NR6A1: variants seen among roughly 807,000 people sequenced by gnomAD.
NR6A1 encodes the protein nuclear receptor subfamily 6 group A member 1.
In NR6A1, 7 loss-of-function variants were observed where a neutral mutation model predicts 59.1. The ratio of observed to expected loss-of-function variants is 0.12; its 90% CI spans 0.07 to 0.22. The LOEUF is 0.22. Among genes scored for constraint, NR6A1 ranks in the 10% least tolerant of loss-of-function variants. The pLI, the probability that NR6A1 is intolerant of heterozygous loss-of-function variation, is 1.00. For missense variants in NR6A1, 468 were observed against 611.6 expected (o/e 0.77, Z 2.48); for synonymous variants, 243 against 236.1 (o/e 1.03, Z -0.27).
chr9:124,645,557 T>C (rs1836906633), intron 2 of NR6A1, among the ~76,000 whole-genome samples: 1 of 152,184 alleles, frequency 6.6e-6, no homozygotes, highest in Non-Finnish European at 1.5e-5. Context: ...AGAGGGGCAT[T>C]ACTAATGATA....
rs1367010752 is a variant in NR6A1 at position 124,641,237 on chromosome 9, T to C, written c.143-86667A>G. On this transcript the variant is annotated intron_variant, in intron 2 of 9. Coordinates refer to ENST00000487099, the MANE Select transcript of NR6A1 (RefSeq NM_033334.4). The stretch of plus-strand genomic sequence containing the variant: ...AGCTGAGCATGGTGGTGCATGCCTG[T>C]AATCCCAGCTACTTGGGAGGATGAG... Among the ~76,000 whole-genome samples the C allele has an allele frequency of 2.6e-5, 4 of 151,762 alleles. No homozygotes were observed. The East Asian group carries it at 7.8e-4, about 30-fold the overall frequency.
chr9:124,678,500 A>C (rs1327085188), intron 2 of NR6A1, among the ~76,000 whole-genome samples: 1 of 152,196 alleles, frequency 6.6e-6, no homozygotes, highest in Non-Finnish European at 1.5e-5. Context: ...CAGAAGATGT[A>C]AGTGTAATAA....
rs528751905 is a variant in NR6A1, at chr9:124,771,223, G to C, written c.-104C>G. The C allele has an allele frequency of 8.6e-4, 510 of 593,044 alleles. 4 individuals are homozygous for C. Among genetic ancestry groups the C allele is most frequent in the South Asian group, 8.1e-3 (95 of 11,744 alleles). The allele number at this position is 593,044 out of a possible 1,614,324, so 36.7% of individuals were successfully genotyped here. On this transcript the variant is annotated 5_prime_UTR_variant, in exon 1 of 10. Coordinates refer to ENST00000487099, the MANE Select transcript of NR6A1 (RefSeq NM_033334.4). ...GAGGGGAGGAGGTTGTCAGGAGCCC[G>C]CGAGCTCCCGGCCGCGGCTCTCTCT...
chr9:124,755,196 A>T (rs1367714214), intron 1 of NR6A1, among the ~76,000 whole-genome samples: 1 of 150,230 alleles, frequency 6.7e-6, no homozygotes, highest in East Asian at 2.0e-4. Flanking sequence ...CAGGCAAAAG[A>T]GTATTTCAGA....
intron 2 of NR6A1, among the ~76,000 whole-genome samples, chr9:124,671,597 C>A (rs921738501): frequency 3.9e-5 from 6 of 152,114 alleles, no homozygotes; most frequent in African/African-American, 7.2e-5. Context: ...CAACCCTACT[C>A]CTGGCCTAAA....
At chr9:124,643,600 CAAAA>C (rs758727432) in intron 2 of NR6A1, among the ~76,000 whole-genome samples, 3 of 93,358 alleles carry the variant, frequency 3.2e-5, no homozygotes, top group Admixed American at 2.3e-4. Context: ...GACCCAATCT[CAAAA>C]AAAAAAAAAA....
chr9:124,583,454 C>T (rs994588699), intron 2 of NR6A1, among the ~76,000 whole-genome samples: 16 of 152,166 alleles, frequency 1.1e-4, no homozygotes, highest in African/African-American at 3.4e-4. Context: ...AGCATCTAGG[C>T]CTCTAGTTCT....
chr9:124,687,291 A>ATTAATTAATTAATTATTTATTTATTTAT (rs59770058), intron 2 of NR6A1, among the ~76,000 whole-genome samples: 3 of 142,090 alleles, frequency 2.1e-5, no homozygotes, highest in African/African-American at 8.1e-5. Context: ...CAGCTAATTA[A>ATTAATTAATTAATTATTTATTTATTTAT]TTATTTATTT....
At chr9:124,543,653 C>T (rs909207606) in intron 4 of NR6A1, 149 bp downstream of exon 4, 3 of 565,984 alleles carry the variant, frequency 5.3e-6, no homozygotes, top group South Asian at 2.6e-5. Context: ...AGCACTTTCA[C>T]ATCCAGGATG....
At chr9:124,736,586 G>A (rs1239051336) in intron 1 of NR6A1, among the ~76,000 whole-genome samples, 1 of 152,182 alleles carries the variant, frequency 6.6e-6, no homozygotes, top group Non-Finnish European at 1.5e-5. Flanking sequence ...GTGCATGCCT[G>A]TAATCCCAGC....
intron 1 of NR6A1, among the ~76,000 whole-genome samples, chr9:124,764,143 C>T (rs1209330705): frequency 2.6e-5 from 4 of 151,030 alleles, no homozygotes; most frequent in Admixed American, 6.6e-5. Flanking sequence ...GAGATCGCAC[C>T]GCTGCACTCC....
rs1841149371 is a variant in NR6A1 at position 124,771,168 on chromosome 9, G to A, written c.-49C>T. On this transcript the variant is annotated 5_prime_UTR_variant, in exon 1 of 10. Coordinates refer to ENST00000487099, the MANE Select transcript of NR6A1 (RefSeq NM_033334.4). ...CGGGTTTGTTGCTCCGCCATGACCG[G>A]CGCCCTAGTCGCCGTGGTCGTCGTC... The A allele has an allele frequency of 9.3e-7, 1 of 1,070,510 alleles. No homozygotes were observed. Among genetic ancestry groups the A allele is most frequent in the East Asian group, 3.2e-5 (1 of 30,850 alleles). 66.3% of individuals were successfully genotyped at this position (1,070,510 alleles called of 1,614,324 possible).
intron 2 of NR6A1, among the ~76,000 whole-genome samples, chr9:124,579,182 C>T (rs1834691289): frequency 6.6e-6 from 1 of 152,202 alleles, no homozygotes; most frequent in Admixed American, 6.6e-5. Flanking sequence ...ACCTGGGAGG[C>T]TTAGGTGGAG....
intron 3 of NR6A1, among the ~76,000 whole-genome samples, chr9:124,551,124 C>A (rs989345397): frequency 1.3e-5 from 2 of 152,182 alleles, no homozygotes; most frequent in Non-Finnish European, 2.9e-5. Context: ...CCTACCCCAG[C>A]CTTGGAATCA....
At chr9:124,761,577 C>T (rs549072126) in intron 1 of NR6A1, among the ~76,000 whole-genome samples, 10 of 152,310 alleles carry the variant, frequency 6.6e-5, no homozygotes, top group Middle Eastern at 3.4e-3. Context: ...CCTATACAGA[C>T]TTTATTACCA....
chr9:124,566,322 G>A (rs548769364), intron 2 of NR6A1, among the ~76,000 whole-genome samples: 2 of 152,162 alleles, frequency 1.3e-5, no homozygotes, highest in Admixed American at 6.5e-5. Flanking sequence ...TGACGTGGGC[G>A]GTTGCTTTAC....
chr9:124,574,935 T>C (rs967065988), intron 2 of NR6A1, among the ~76,000 whole-genome samples: 1 of 152,230 alleles, frequency 6.6e-6, no homozygotes, highest in African/African-American at 2.4e-5. Context: ...CCTGAGTGTA[T>C]AGTAACTCAA....
chr9:124,706,573 G>A (rs1023257726), intron 2 of NR6A1, among the ~76,000 whole-genome samples: 5 of 151,580 alleles, frequency 3.3e-5, no homozygotes, highest in South Asian at 2.1e-4. Flanking sequence ...GTGCAGTGGC[G>A]CAATCTTGGC....
chr9:124,594,149 C>CT (rs35685846), intron 2 of NR6A1, among the ~76,000 whole-genome samples: 72,079 of 151,932 alleles, frequency 0.47, 17,409 homozygotes, highest in Admixed American at 0.59. Flanking sequence ...CTTAAGATTC[C>CT]AAAACCTCCT....
Sources: allele counts gnomAD v4.1 joint callset (sites outside exome capture counted in the v4.1 genomes callset), GRCh38; gene constraint gnomAD v4.1.1; transcripts MANE v1.5; gene names NCBI Gene and HGNC (gene_info 2026-07-23, HGNC 2026-07-21).